COPG2: variants seen among roughly 807,000 people sequenced by gnomAD.
COPG2 encodes the protein coat protein complex I subunit gamma 2, also known as coatomer subunit gamma-2.
COPG2 carries 37 observed loss-of-function variants against 46.3 expected under a neutral mutation model. That is an observed-to-expected ratio of 0.80 (90% CI 0.61 to 1.05). The LOEUF (loss-of-function observed/expected upper bound fraction) is 1.05. Among genes scored for constraint, COPG2 ranks in the 50% least tolerant of loss-of-function variants. The pLI is 0.00. For synonymous variants in COPG2, 159 were observed against 129.7 expected (o/e 1.23, Z -1.53); for missense variants, 427 against 387.8 (o/e 1.10, Z -0.85).
At chr7:130,610,783 G>T in intron 9 of COPG2, 170 bp downstream of exon 9, 1 of 720,358 alleles carries the variant, frequency 1.4e-6, no homozygotes. Flanking sequence ...ATACAGTAAG[G>T]TTAAAAAAAG....
chr7:130,650,053 C>A (rs1795706000), intron 5 of COPG2, among the ~76,000 whole-genome samples: 2 of 152,180 alleles, frequency 1.3e-5, no homozygotes, highest in African/African-American at 4.8e-5. Context: ...TTTTTCCAGT[C>A]TCTAGAGGTT....
rs1012527721 is a variant in COPG2 at position 130,623,116 on chromosome 7, G to A, written c.324-6051C>T. Among the ~76,000 whole-genome samples the A allele has an allele frequency of 3.9e-5, 6 of 152,158 alleles. No individual in the cohort carries two copies. In the East Asian group the frequency reaches 1.2e-3, roughly 29 times the overall value. ...GTGTCAGCTGCCTGTGGTTGCCAAC[G>A]TGTCACTCAGAAATATATAATCCTG... On this transcript the variant is annotated intron_variant, in intron 5 of 23. Coordinates refer to ENST00000425248, the MANE Select transcript of COPG2 (RefSeq NM_012133.6).
At chr7:130,610,419 C>T (rs1554451851) in intron 9 of COPG2, 1 of 398,480 alleles carries the variant, frequency 2.5e-6, no homozygotes, top group African/African-American at 2.1e-5. Context: ...TTTTAGAGCT[C>T]AGCCATAAGC....
intron 5 of COPG2, among the ~76,000 whole-genome samples, chr7:130,624,953 G>A (rs1795092957): frequency 6.6e-6 from 1 of 152,146 alleles, no homozygotes; most frequent in South Asian, 2.1e-4. Flanking sequence ...TGGGTCGAAT[G>A]GCAGTTCTAC....
At position 130,550,514 on chromosome 7, in the gene COPG2, T is replaced by G; in HGVS notation, c.1774+10A>C. 2.6e-6 allele frequency: 1 copy of G among 379,414 alleles called. No homozygotes were observed. The highest frequency in any genetic ancestry group is 3.7e-5 in the East Asian group (1 of 26,884). 23.5% of individuals were successfully genotyped at this position (379,414 alleles called of 1,614,324 possible). ...AACTACTTATACACAGAAAAATGAA[T>G]AGAGTGAACCTGCTTTCTGTTCAAA... On this transcript the variant is annotated intron_variant, in intron 17 of 23. Transcript: ENST00000425248.
At chr7:130,509,937 T>C in intron 20 of COPG2, 1 of 472,554 alleles carries the variant, frequency 2.1e-6, no homozygotes, top group Non-Finnish European at 4.2e-6. Context: ...CAGAGGAAGA[T>C]GTACAAACAG....
intron 20 of COPG2, among the ~76,000 whole-genome samples, chr7:130,524,069 CAG>C (rs1365465853): frequency 6.6e-6 from 1 of 151,926 alleles, no homozygotes; most frequent in Non-Finnish European, 1.5e-5. Context: ...GCATGTTCCC[CAG>C]AGTGTTTTCA....
At chr7:130,548,569 T>TGAA (rs1584969799) in intron 18 of COPG2, 27 bp from the exon 19 acceptor site, 5 of 398,528 alleles carry the variant, frequency 1.3e-5, no homozygotes. Context: ...ACGTAGGCTA[T>TGAA]GAAGAAGACA....
At chr7:130,564,542 A>G (rs1311208003) in intron 9 of COPG2, 149 bp from the exon 10 acceptor site, 3 of 396,102 alleles carry the variant, frequency 7.6e-6, no homozygotes, top group Admixed American at 4.4e-5. Context: ...AGCAATTAGA[A>G]CACTGGCAAA....
chr7:130,593,834 T>C (rs546456093), intron 9 of COPG2, among the ~76,000 whole-genome samples: 7 of 152,262 alleles, frequency 4.6e-5, no homozygotes, highest in African/African-American at 1.7e-4. Context: ...ATAATGCTTA[T>C]GGAAAATAGT....
At chr7:130,562,978 TTTTTA>T (rs1365613780) in intron 11 of COPG2, among the ~76,000 whole-genome samples, 16 of 152,314 alleles carry the variant, frequency 1.1e-4, no homozygotes, top group Non-Finnish European at 2.2e-4. Context: ...AGGGTTGAAT[TTTTTA>T]TTTTAATTAA....
chr7:130,644,008 G>A (rs184476671), intron 5 of COPG2, among the ~76,000 whole-genome samples: 1 of 152,230 alleles, frequency 6.6e-6, no homozygotes, highest in African/African-American at 2.4e-5. Context: ...AAAGATCATT[G>A]GGAAATTCTT....
intron 11 of COPG2, among the ~76,000 whole-genome samples, 167 bp downstream of exon 11, chr7:130,563,102 A>G (rs1470419798): frequency 6.6e-6 from 1 of 152,252 alleles, no homozygotes; most frequent in Non-Finnish European, 1.5e-5. Context: ...TCAGCTAAAT[A>G]ATAATAAAAA....
At chr7:130,578,551 A>T (rs1360938720) in intron 9 of COPG2, among the ~76,000 whole-genome samples, 2 of 150,814 alleles carry the variant, frequency 1.3e-5, no homozygotes, top group African/African-American at 4.8e-5. Context: ...AATTACTCTG[A>T]GCTACGGGAG....
rs113724039 is a variant in COPG2, at chr7:130,660,005, T to C, written c.243+2962A>G. On this transcript the variant is annotated intron_variant, in intron 4 of 23. Transcript: ENST00000425248. ...ACAGATGTAAACTATGTAATCCTCATATATTAATATAAACAACGATAGAAG... is the reference window on the plus strand; with the variant it reads ...ACAGATGTAAACTATGTAATCCTCACATATTAATATAAACAACGATAGAAG... 6.2e-3 allele frequency among the ~76,000 whole-genome samples: 950 copies of C among 152,338 alleles called. 13 individuals are homozygous for C. Among genetic ancestry groups the C allele is most frequent in the African/African-American group, 0.022 (896 of 41,574 alleles).
At chr7:130,605,808 C>CAA (rs1307861805) in intron 9 of COPG2, 1 of 519,210 alleles carries the variant, frequency 1.9e-6, no homozygotes, top group Non-Finnish European at 3.9e-6. Context: ...AGGCCTGTGT[C>CAA]AGACTTCTAA....
At chr7:130,661,634 C>T (rs1439123803) in intron 4 of COPG2, among the ~76,000 whole-genome samples, 1 of 152,202 alleles carries the variant, frequency 6.6e-6, no homozygotes, top group African/African-American at 2.4e-5. Context: ...TAGTCCACAG[C>T]ATGCAGTGGC....
intron 15 of COPG2, 28 bp from the exon 16 acceptor site, chr7:130,551,372 TCACAGTA>T: frequency 1.3e-5 from 5 of 398,342 alleles, no homozygotes; most frequent in Non-Finnish European, 2.2e-5. Context: ...AATAGTCATG[TCACAGTA>T]CCCCAAAGAC....
chr7:130,577,918 G>A (rs1284387322), intron 9 of COPG2, among the ~76,000 whole-genome samples: 1 of 152,052 alleles, frequency 6.6e-6, no homozygotes, highest in Admixed American at 6.5e-5. Flanking sequence ...GCGAGGCTGG[G>A]GGAGGGGCGC....
Sources: allele counts gnomAD v4.1 joint callset (sites outside exome capture counted in the v4.1 genomes callset), GRCh38; gene constraint gnomAD v4.1.1; transcripts MANE v1.5; gene names NCBI Gene and HGNC (gene_info 2026-07-23, HGNC 2026-07-21).